The following HIVEP1 variants were observed in gnomAD, a reference collection of about 807,000 sequenced individuals.
HIVEP1 encodes HIVEP zinc finger 1.
In HIVEP1, 36 loss-of-function variants were observed where a neutral mutation model predicts 180.0. That is an observed-to-expected ratio of 0.20 (90% CI 0.15 to 0.26). The LOEUF is 0.26. Ranked by LOEUF, HIVEP1 falls within the 10% of genes least tolerant of loss-of-function variation. The probability of loss-of-function intolerance (pLI) is 1.00; values close to 1 mark genes in which losing one functional copy is unlikely to be tolerated. For synonymous variants in HIVEP1, 1,239 were observed against 1,239.0 expected, an observed-to-expected ratio of 1.00 and a Z score of 0.00; for missense variants, 3,143 against 3,268.7, an observed-to-expected ratio of 0.96 and a Z score of 0.94.
chr6:12,175,717 G>A, the HIVEP1 span, among the ~76,000 whole-genome samples: 3 of 152,356 alleles, frequency 2.0e-5, no homozygotes, highest in South Asian at 4.1e-4. Context: ...ATCTCTGACA[G>A]CTTATGTGAA....
At chr6:12,167,603 CAT>C (rs1167499550), downstream of HIVEP1, among the ~76,000 whole-genome samples, 3 of 115,526 alleles carry the variant, frequency 2.6e-5, no homozygotes, top group East Asian at 4.7e-4. Context: ...TGTATATATA[CAT>C]GTTATATTAC....
chr6:12,180,466 T>TA, the HIVEP1 span, among the ~76,000 whole-genome samples: 23 of 152,334 alleles, frequency 1.5e-4, no homozygotes, highest in South Asian at 4.8e-3. Flanking sequence ...AGAAAATGTA[T>TA]CTGTTTATAC....
the HIVEP1 span, among the ~76,000 whole-genome samples, chr6:12,183,628 GT>G: frequency 6.6e-6 from 1 of 152,000 alleles, no homozygotes; most frequent in African/African-American, 2.4e-5. Context: ...ACCTTTCATG[GT>G]TTTTCACATT....
chr6:12,103,184 G>GTAA (rs60181903), intron 3 of HIVEP1, among the ~76,000 whole-genome samples: 10,110 of 147,630 alleles, frequency 0.068, 494 homozygotes, highest in African/African-American at 0.14. Flanking sequence ...TGTTGATTAT[G>GTAA]TAATAATAAT....
chr6:12,090,817 C>T (rs558547795), intron 3 of HIVEP1, among the ~76,000 whole-genome samples: 1 of 137,966 alleles, frequency 7.2e-6, no homozygotes, highest in South Asian at 2.4e-4. Flanking sequence ...AGCCTGTCTT[C>T]CTTTTCCTTG....
At chr6:12,011,102 C>T (rs1170854977), upstream of HIVEP1, among the ~76,000 whole-genome samples, 2 of 152,206 alleles carry the variant, frequency 1.3e-5, no homozygotes, top group African/African-American at 4.8e-5. Context: ...GAACATCCGC[C>T]ACCAAAAAGT....
intron 7 of HIVEP1, among the ~76,000 whole-genome samples, chr6:12,148,097 A>C (rs1296372007): frequency 1.3e-5 from 2 of 152,246 alleles, no homozygotes; most frequent in East Asian, 3.8e-4. Context: ...AGAAAAATGC[A>C]AATGATTACT....
intron 7 of HIVEP1, among the ~76,000 whole-genome samples, chr6:12,147,006 GA>G (rs1420668839): frequency 6.6e-6 from 1 of 152,178 alleles, no homozygotes; most frequent in Admixed American, 6.5e-5. Flanking sequence ...GGTGAGGAGG[GA>G]AAGGAAGGGC....
rs185829506 is a variant in HIVEP1 at position 12,120,928 on chromosome 6, A to G, written c.1133A>G (p.His378Arg). Residue 378 changes from histidine to arginine, a missense_variant, in exon 4 of 9, where the codon CAT (histidine) becomes CGT (arginine). By Grantham distance (29) the His-to-Arg change is conservative. Around this residue, in one of 12 missense-constraint regions of HIVEP1, gnomAD observed 306 missense variants for 310.6 expected, o/e 0.99. Transcript: ENST00000379388. ...SPPMPIYNST[H>R]VASVVNQSVE... ...CCCATGCCAATCTATAATTCAACTC[A>G]TGTTGCCTCTGTTGTTAATCAAAGC... is the stretch of plus-strand genomic sequence containing the variant. 1.2e-5 allele frequency: 19 copies of G among 1,614,142 alleles called. No homozygotes were observed. In the East Asian group the frequency reaches 4.0e-4, roughly 34 times the overall value.
chr6:12,106,953 T>C (rs1414237795), intron 3 of HIVEP1, among the ~76,000 whole-genome samples: 1 of 152,256 alleles, frequency 6.6e-6, no homozygotes, highest in African/African-American at 2.4e-5. Flanking sequence ...ATTGTATTGA[T>C]AACTTTCTAA....
At chr6:12,129,620 C>T (rs775524231) in intron 4 of HIVEP1, 139 bp from the exon 5 acceptor site, 48 of 732,608 alleles carry the variant, frequency 6.6e-5, no homozygotes, top group Non-Finnish European at 1.1e-4. Context: ...AGTAAATGCC[C>T]TTTGAACCTA....
intron 1 of HIVEP1, among the ~76,000 whole-genome samples, chr6:12,014,851 G>A (rs1346318892): frequency 2.0e-5 from 3 of 152,238 alleles, no homozygotes; most frequent in African/African-American, 7.2e-5. Context: ...TGTTTCTGGC[G>A]TATGCTGTGT....
chr6:12,080,095 G>A (rs1772681421), intron 2 of HIVEP1, among the ~76,000 whole-genome samples: 1 of 152,122 alleles, frequency 6.6e-6, no homozygotes, highest in African/African-American at 2.4e-5. Flanking sequence ...TTTAGGGGAT[G>A]TAGAAAGGGT....
downstream of HIVEP1, among the ~76,000 whole-genome samples, chr6:12,167,754 AAT>A (rs1760764306): frequency 8.8e-6 from 1 of 113,402 alleles, no homozygotes; most frequent in Non-Finnish European, 2.0e-5. Flanking sequence ...GTGCGTGTAT[AAT>A]ATATACATGT....
At chr6:12,073,935 G>T (rs977179021) in intron 2 of HIVEP1, among the ~76,000 whole-genome samples, 1 of 152,092 alleles carries the variant, frequency 6.6e-6, no homozygotes, top group Non-Finnish European at 1.5e-5. Context: ...GGGTGAGCTG[G>T]TGAGAGGTCC....
chr6:12,127,869 G>A (rs1017488343), intron 4 of HIVEP1, among the ~76,000 whole-genome samples: 1 of 152,208 alleles, frequency 6.6e-6, no homozygotes, highest in East Asian at 1.9e-4. Flanking sequence ...TCTGGACTGC[G>A]CAGATCACTG....
At chr6:12,189,246 T>C in the HIVEP1 span, among the ~76,000 whole-genome samples, 1 of 151,930 alleles carries the variant, frequency 6.6e-6, no homozygotes, top group African/African-American at 2.4e-5. Flanking sequence ...GTAAAAAGAC[T>C]GGATAATTAT....
At chr6:12,211,612 G>A in the HIVEP1 span, among the ~76,000 whole-genome samples, 5 of 151,090 alleles carry the variant, frequency 3.3e-5, no homozygotes, top group Admixed American at 1.3e-4. Context: ...AGTATTGCCC[G>A]ATTTTGAAAA....
chr6:12,205,213 T>C, the HIVEP1 span, among the ~76,000 whole-genome samples: 1 of 152,188 alleles, frequency 6.6e-6, no homozygotes, highest in East Asian at 1.9e-4. Flanking sequence ...GGCTCATGCC[T>C]GTAATCCCAG....
Sources: allele counts gnomAD v4.1 joint callset (sites outside exome capture counted in the v4.1 genomes callset), GRCh38; gene constraint gnomAD v4.1.1; regional missense constraint gnomAD v4.1.1; transcripts MANE v1.5; gene names NCBI Gene and HGNC (gene_info 2026-07-23, HGNC 2026-07-21).